ASXL3: variants seen among roughly 807,000 people sequenced by gnomAD.
ASXL3 encodes ASXL transcriptional regulator 3.
Under a neutral mutation model 170.6 loss-of-function variants are expected in ASXL3, and 34 were observed. The observed-to-expected ratio is 0.20, with a 90% CI of 0.15 to 0.27. The LOEUF (loss-of-function observed/expected upper bound fraction) is 0.27, where lower values mean the gene tolerates loss of function less well. Ranked by LOEUF, ASXL3 falls within the 10% of genes least tolerant of loss-of-function variation. The pLI is 1.00. For synonymous variants in ASXL3, 1,002 were observed against 989.1 expected, an observed-to-expected ratio of 1.01 and a Z score of -0.24; for missense variants, 2,592 against 2,695.3, an observed-to-expected ratio of 0.96 and a Z score of 0.85.
At chr18:33,611,367 A>G (rs1287173303) in intron 2 of ASXL3, among the ~76,000 whole-genome samples, 1 of 152,056 alleles carries the variant, frequency 6.6e-6, no homozygotes, top group African/African-American at 2.4e-5. Flanking sequence ...TCTTATGAAA[A>G]TATTCTTGGT....
Position 33,743,267 on chromosome 18 carries a change from C to T in ASXL3, c.3419C>T (p.Pro1140Leu). ...PPPLSSKEGP[P>L]NLEVSSTPET... The stretch of plus-strand genomic sequence containing the variant: ...CCGCTCAGCTCAAAGGAAGGGCCTC[C>T]AAACTTAGAAGTCTCTTCTACCCCT... The change falls in exon 12 of 12, where the codon CCA becomes CTA. Residue 1140 changes from proline (P) to leucine (L), a missense_variant. Pro to Leu is a moderately conservative substitution (Grantham distance 98, BLOSUM62 -3). This residue lies in a region of ASXL3 where 2,246 missense variants were observed against 2,219.6 expected (regional missense o/e 1.01). Transcript: ENST00000269197. The T allele has an allele frequency of 6.2e-7, 1 of 1,613,896 alleles. No individual in the cohort carries two copies. Among genetic ancestry groups the T allele is most frequent in the East Asian group, 2.2e-5 (1 of 44,880 alleles).
chr18:33,736,845 G>A (rs569219295), intron 10 of ASXL3, among the ~76,000 whole-genome samples: 13 of 152,134 alleles, frequency 8.5e-5, no homozygotes, highest in South Asian at 4.1e-4. Flanking sequence ...CTATTTTTCC[G>A]TGAAAATAAG....
chr18:33,592,063 C>T (rs9948072), intron 1 of ASXL3, among the ~76,000 whole-genome samples: 53 of 152,100 alleles, frequency 3.5e-4, no homozygotes, highest in African/African-American at 1.2e-3. Flanking sequence ...GGGGAGTCTA[C>T]CCTCTCCTAT....
chr18:33,673,373 ATT>A (rs150226666), intron 7 of ASXL3, among the ~76,000 whole-genome samples: 60,051 of 138,446 alleles, frequency 0.43, 12,929 homozygotes, highest in East Asian at 0.78. Flanking sequence ...GATCTTCAGT[ATT>A]TTTTTTTTTT....
intron 8 of ASXL3, among the ~76,000 whole-genome samples, chr18:33,707,576 T>A (rs1438587356): frequency 6.6e-6 from 1 of 151,962 alleles, no homozygotes; most frequent in African/African-American, 2.4e-5. Context: ...TAATAGTGTA[T>A]GGTTTTTTAT....
At chr18:33,631,894 T>C (rs987829892) in intron 2 of ASXL3, among the ~76,000 whole-genome samples, 1 of 152,148 alleles carries the variant, frequency 6.6e-6, no homozygotes, top group African/African-American at 2.4e-5. Flanking sequence ...GATAGTTTTG[T>C]GGTAGTATGT....
intron 4 of ASXL3, among the ~76,000 whole-genome samples, chr18:33,652,788 C>T (rs1296359743): frequency 1.3e-5 from 2 of 151,882 alleles, no homozygotes; most frequent in Non-Finnish European, 2.9e-5. Context: ...CGTTACTCAG[C>T]TCACTCTTTG....
At chr18:33,700,111 A>G (rs2066845458) in intron 8 of ASXL3, among the ~76,000 whole-genome samples, 1 of 152,052 alleles carries the variant, frequency 6.6e-6, no homozygotes, top group Non-Finnish European at 1.5e-5. Flanking sequence ...GGTAACTGGA[A>G]CAGCATGTTA....
At chr18:33,612,043 T>A (rs563092808) in intron 2 of ASXL3, among the ~76,000 whole-genome samples, 1 of 152,178 alleles carries the variant, frequency 6.6e-6, no homozygotes, top group African/African-American at 2.4e-5. Flanking sequence ...CATTCATCAG[T>A]GAGGAATAAT....
chr18:33,619,423 A>C (rs905459127), intron 2 of ASXL3, among the ~76,000 whole-genome samples: 2 of 147,514 alleles, frequency 1.4e-5, no homozygotes, highest in Non-Finnish European at 1.5e-5. Context: ...TTTATACCCT[A>C]GTTGTAAATA....
rs555695471 is a variant in ASXL3 at position 33,739,779 on chromosome 18, C to T, written c.2375C>T (p.Pro792Leu). Residue 792 changes from proline (P) to leucine (L), a missense_variant, in exon 11 of 12, where the codon CCT becomes CTT. Transcript: ENST00000269197. ...QKDESSATAKPLGENLTSQQK... is the reference protein window; with the variant it reads ...QKDESSATAKLLGENLTSQQK... ...GATGAGTCTTCCGCCACTGCCAAAC[C>T]TCTGGGAGAGAACCTTACCTCCCAG... The T allele has an allele frequency of 7.6e-5, 123 of 1,613,846 alleles. No homozygotes were observed. The South Asian group carries it at 1.2e-3, about 15-fold the overall frequency.
At position 33,731,958 on chromosome 18, in the gene ASXL3, AT is replaced by A; in HGVS notation, c.880-6del. 6.3e-7 allele frequency: 1 copy of A among 1,599,348 alleles called. No homozygotes were observed. The highest frequency in any genetic ancestry group is 8.5e-7 in the Non-Finnish European group (1 of 1,174,994). ...GATGGAACCTTGTTTTTGTCGGCTTATTTTCCTAGATGGGAAGTGATGGAAT... is the reference window on the plus strand; with the variant it reads ...GATGGAACCTTGTTTTTGTCGGCTTATTTCCTAGATGGGAAGTGATGGAAT... On this transcript the variant is annotated splice_polypyrimidine_tract_variant and intron_variant, in intron 8 of 11. Coordinates refer to ENST00000269197, the MANE Select transcript of ASXL3 (RefSeq NM_030632.3).
rs527242199 is a variant in ASXL3, at chr18:33,689,086, C to T, written c.879+5518C>T. On this transcript the variant is annotated intron_variant, in intron 8 of 11. Coordinates refer to ENST00000269197, the MANE Select transcript of ASXL3 (RefSeq NM_030632.3). Reference sequence around the variant, plus strand: ...TCCGCTCACAGCAACATCCGCCTCCCGGGTTCAAGCGATTCTCCTGCCTCA... The same window carrying T: ...TCCGCTCACAGCAACATCCGCCTCCTGGGTTCAAGCGATTCTCCTGCCTCA... Among the ~76,000 whole-genome samples, 5 of 152,070 alleles carry T rather than the reference C, an allele frequency of 3.3e-5. 1 individual carries two copies. Among genetic ancestry groups the T allele is most frequent in the Admixed American group, 2.0e-4 (3 of 15,284 alleles).
At chr18:33,683,954 A>G (rs911322526) in intron 8 of ASXL3, among the ~76,000 whole-genome samples, 42 of 152,210 alleles carry the variant, frequency 2.8e-4, no homozygotes, top group Non-Finnish European at 2.9e-5. Context: ...TTCATCCTCA[A>G]CTATTTCCAA....
At position 33,740,371 on chromosome 18, in the gene ASXL3, G is replaced by A. The variant is rs752078244; in HGVS notation, c.2967G>A (p.Arg989=). 6.2e-7 allele frequency: 1 copy of A among 1,609,858 alleles called. No individual in the cohort carries two copies. The highest frequency in any genetic ancestry group is 8.5e-7 in the Non-Finnish European group (1 of 1,178,290). Residue 989 remains arginine, a synonymous_variant, in exon 11 of 12, where the codon CGG becomes CGA. Coordinates refer to ENST00000269197, the MANE Select transcript of ASXL3 (RefSeq NM_030632.3). ...RARIEDDQST[R]NISSSSPPEK... ...GGATAGAAGATGATCAGTCAACCCG[G>A]AACATATCATCTAGCAGCCCACCTG...
Position 33,745,492 on chromosome 18 carries a change from C to T in ASXL3, c.5644C>T (p.His1882Tyr). The T allele has an allele frequency of 1.2e-6, 2 of 1,614,020 alleles. No homozygotes were observed. The highest frequency in any genetic ancestry group is 8.5e-7 in the Non-Finnish European group (1 of 1,179,904). The stretch of plus-strand genomic sequence containing the variant: ...ATTTAAGCAAGAATGGCTAAACAAG[C>T]ACTCCATGCAGAACAGAATTGTTCA... ...QPFKQEWLNKHSMQNRIVHSP... is the reference protein window; with the variant it reads ...QPFKQEWLNKYSMQNRIVHSP... The change falls in exon 12 of 12, where the codon CAC (histidine) becomes TAC (tyrosine). Residue 1882 changes from histidine to tyrosine, a missense_variant. His to Tyr is a moderately conservative substitution (Grantham distance 83). Transcript: ENST00000269197.
Position 33,651,105 on chromosome 18 carries a change from A to G in ASXL3, c.355+4752A>G, listed in dbSNP as rs540490859. On this transcript the variant is annotated intron_variant, in intron 4 of 11. Coordinates refer to ENST00000269197, the MANE Select transcript of ASXL3 (RefSeq NM_030632.3). ...CACAGGGAACACTTAGTAGCCAGTC[A>G]TCATTGGTACGGTTTGCCTTTCCAA... 2.6e-5 allele frequency among the ~76,000 whole-genome samples: 4 copies of G among 152,258 alleles called. No individual in the cohort carries two copies. In the South Asian group the frequency reaches 6.2e-4, roughly 24 times the overall value.
intron 1 of ASXL3, among the ~76,000 whole-genome samples, chr18:33,597,664 T>C (rs1250246057): frequency 6.6e-6 from 1 of 152,066 alleles, no homozygotes; most frequent in Non-Finnish European, 1.5e-5. Flanking sequence ...AGGCAGTATA[T>C]TGTGATGGTG....
At chr18:33,639,838 T>A (rs9959994) in intron 2 of ASXL3, among the ~76,000 whole-genome samples, 3,117 of 152,280 alleles carry the variant, frequency 0.02, 112 homozygotes, top group African/African-American at 0.071. Context: ...AGATACACAC[T>A]GAGGTCTGGA....
Sources: gnomAD v4.1 joint callset for allele counts (sites outside exome capture counted in the v4.1 genomes callset) on GRCh38, gnomAD v4.1.1 for gene constraint, gnomAD v4.1.1 regional missense constraint, MANE v1.5 for transcripts, NCBI Gene and HGNC (gene_info 2026-07-23, HGNC 2026-07-21) for gene names.